Variants in RS1 observed in about 807,000 individuals in gnomAD.
RS1 encodes retinoschisin 1.
RS1 carries 2 observed loss-of-function variants against 20.8 expected under a neutral mutation model. The observed-to-expected ratio is 0.10, with a 90% CI of 0.04 to 0.30. The LOEUF is 0.30. RS1 is among the 10% of genes least tolerant of loss of function. RS1 has a pLI of 1.00. For missense variants in RS1, 151 were observed against 189.8 expected, an observed-to-expected ratio of 0.80 and a Z score of 1.20; for synonymous variants, 70 against 75.8, an observed-to-expected ratio of 0.92 and a Z score of 0.40.
At chrX:18,656,128 A>C (rs895316536) in intron 3 of RS1, among the ~76,000 whole-genome samples, 3 of 106,969 alleles carry the variant, frequency 2.8e-5, no homozygotes, top group Non-Finnish European at 3.8e-5. Flanking sequence ...AATAGCTGGG[A>C]CCACAGGTGC....
rs141077105 is a variant in RS1, at chrX:18,642,108, G to A, written c.571C>T (p.Arg191Trp). 32 of 1,209,722 alleles carry A rather than the reference G, an allele frequency of 2.6e-5. 1 individual carries two copies. The highest frequency in any genetic ancestry group is 1.8e-4 in the South Asian group (10 of 56,831). The change falls in exon 6 of 6, where the codon CGG becomes TGG. Residue 191 changes from arginine (R) to tryptophan (W), a missense_variant. Transcript: ENST00000379984. Reference protein sequence around the residue: ...DRTSTVQNLLRPPIISRFIRL... With the variant: ...DRTSTVQNLLWPPIISRFIRL... The stretch of plus-strand genomic sequence containing the variant: ...ATGAAGCGGGAGATGATGGGGGGCC[G>A]CAGCAGGTTCTGAACCGTGGAGGTG...
At chrX:18,658,124 C>T (rs1253572859) in intron 1 of RS1, among the ~76,000 whole-genome samples, 1 of 111,262 alleles carries the variant, frequency 9.0e-6, no homozygotes. Flanking sequence ...GAGCCAAGAT[C>T]GCTCCACTGC....
chrX:18,651,260 T>A (rs868799282), intron 3 of RS1, among the ~76,000 whole-genome samples: 1,076 of 81,443 alleles, frequency 0.013, 16 homozygotes, highest in African/African-American at 0.033. Flanking sequence ...TGTGTGTGTG[T>A]GTGTGAGAGA....
At chrX:18,668,029 G>A (rs773951960) in intron 1 of RS1, among the ~76,000 whole-genome samples, 8 of 112,070 alleles carry the variant, frequency 7.1e-5, no homozygotes, top group Non-Finnish European at 1.5e-4. Flanking sequence ...GGCAAAAACC[G>A]CAGTTACTCT....
At chrX:18,664,864 G>A (rs1220699288) in intron 1 of RS1, among the ~76,000 whole-genome samples, 3 of 110,690 alleles carry the variant, frequency 2.7e-5, no homozygotes, top group African/African-American at 6.6e-5. Context: ...ACAGGCCTGC[G>A]CTGCCACGCT....
Position 18,644,487 on chromosome X carries a change from G to A in RS1, c.465C>T (p.Tyr155=). 1.7e-6 allele frequency: 2 copies of A among 1,211,684 alleles called. No homozygotes were observed. Among genetic ancestry groups the A allele is most frequent in the Non-Finnish European group, 2.2e-6 (2 of 895,373 alleles). ...TCCAGTTCAGGCGCTCATCGGTCCT[G>A]TACTGCACGCTGTACTTGGTCATCC... ...DEWMTKYSVQ[Y]RTDERLNWIY... The change falls in exon 5 of 6, where the codon TAC becomes TAT. Residue 155 remains tyrosine, a synonymous_variant. Coordinates refer to ENST00000379984, the MANE Select transcript of RS1 (RefSeq NM_000330.4).
intron 1 of RS1, among the ~76,000 whole-genome samples, chrX:18,659,403 T>A (rs1734096438): frequency 9.1e-6 from 1 of 110,463 alleles, no homozygotes; most frequent in African/African-American, 3.3e-5. Flanking sequence ...GAAACCCGGG[T>A]TGCAGTGAGC....
chrX:18,649,780 T>A (rs780510842), intron 3 of RS1, among the ~76,000 whole-genome samples: 2 of 111,873 alleles, frequency 1.8e-5, no homozygotes, highest in South Asian at 7.4e-4. Flanking sequence ...GAGGACTGAG[T>A]GCCTGCGGAC....
In RS1 at chrX:18,643,658, C is replaced by G. The variant is rs547119198; in HGVS notation, c.522+772G>C. Reference sequence around the variant, plus strand: ...TGGAACAACCCATGAACGTCTTGGCCGTACAAATTGTCATCAGAGACTTAC... The same window carrying G: ...TGGAACAACCCATGAACGTCTTGGCGGTACAAATTGTCATCAGAGACTTAC... On this transcript the variant is annotated intron_variant, in intron 5 of 5. Transcript: ENST00000379984. Among the ~76,000 whole-genome samples the G allele has an allele frequency of 1.6e-4, 18 of 111,828 alleles. No individual in the cohort carries two copies. In the East Asian group the frequency reaches 4.8e-3, roughly 30 times the overall value.
At chrX:18,642,284 G>A (rs1211376696) in intron 5 of RS1, 128 bp from the exon 6 acceptor site, 3 of 705,505 alleles carry the variant, frequency 4.3e-6, no homozygotes, top group Non-Finnish European at 6.6e-6. Flanking sequence ...CAGTTTGCGG[G>A]TGCCCCCCAA....
chrX:18,639,933 T>A lies in RS1; in HGVS notation c.*2071A>T, dbSNP rs944920358. On this transcript the variant is annotated 3_prime_UTR_variant, in exon 6 of 6. Coordinates refer to ENST00000379984, the MANE Select transcript of RS1 (RefSeq NM_000330.4). ...AATACCACATACTATATGATTTCAT[T>A]TATGTAGAACGTCCAGAAGGCCAAT... 1.4e-4 allele frequency: 16 copies of A among 111,965 alleles called. No homozygotes were observed. Among genetic ancestry groups the A allele is most frequent in the Middle Eastern group, 4.6e-3 (1 of 218 alleles). The allele number at this position is 111,965 out of a possible 1,213,427, so 9.2% of individuals were successfully genotyped here. A position where few individuals can be genotyped will look rare whatever the true frequency, so the allele number is the denominator to read the frequency against.
intron 3 of RS1, among the ~76,000 whole-genome samples, chrX:18,654,854 C>T (rs971729510): frequency 4.5e-5 from 5 of 111,872 alleles, no homozygotes; most frequent in Non-Finnish European, 9.4e-5. Flanking sequence ...CCCTCCCACA[C>T]ACACATTGCA....
At chrX:18,665,372 T>C (rs970980485) in intron 1 of RS1, among the ~76,000 whole-genome samples, 1 of 111,717 alleles carries the variant, frequency 9.0e-6, no homozygotes, top group Non-Finnish European at 1.9e-5. Flanking sequence ...CTATGATGCA[T>C]ATAATAATAA....
intron 1 of RS1, among the ~76,000 whole-genome samples, chrX:18,660,752 T>C (rs1004854189): frequency 1.8e-5 from 2 of 112,328 alleles, no homozygotes; most frequent in Non-Finnish European, 3.8e-5. Flanking sequence ...ACTTTTTTTG[T>C]GTCCACTGTA....
At position 18,650,667 on chromosome X, in the gene RS1, CAG is replaced by C. The variant is rs892437453; in HGVS notation, c.185-3337_185-3336del. 8.4e-6 allele frequency: 9 copies of C among 1,069,632 alleles called. 1 individual carries two copies. Among genetic ancestry groups the C allele is most frequent in the Non-Finnish European group, 1.3e-6 (1 of 770,934 alleles). The allele number at this position is 1,069,632 out of a possible 1,213,427, so 88.1% of individuals were successfully genotyped here. ...AATTGCCCGAGGAGCTGTAGAAATG[CAG>C]ATGTTCAGGCCACACCCCCAGGGAT... is the stretch of plus-strand genomic sequence containing the variant. On this transcript the variant is annotated intron_variant, in intron 3 of 5. Coordinates refer to ENST00000379984, the MANE Select transcript of RS1 (RefSeq NM_000330.4).
intron 1 of RS1, among the ~76,000 whole-genome samples, chrX:18,663,491 G>T (rs1031975716): frequency 9.2e-6 from 1 of 108,523 alleles, no homozygotes; most frequent in African/African-American, 3.4e-5. Flanking sequence ...CTACAAGCCC[G>T]TGCCACCACA....
intron 1 of RS1, among the ~76,000 whole-genome samples, chrX:18,669,394 G>A (rs1928454246): frequency 9.5e-6 from 1 of 105,290 alleles, no homozygotes; most frequent in South Asian, 4.6e-4. Flanking sequence ...GGGAGCCTGA[G>A]GCAGGAGAAT....
At position 18,644,432 on chromosome X, in the gene RS1, G is replaced by A. The variant is rs1927693712; in HGVS notation, c.520C>T (p.Arg174Trp). Reference protein sequence around the residue: ...IYYKDQTGNNRVFYGNSDRTS... With the variant: ...IYYKDQTGNNWVFYGNSDRTS... ...GGTTTGGGATAAGCCCAACTTACCC[G>A]GTTGTTTCCAGTCTGGTCCTTGTAG... Residue 174 changes from arginine to tryptophan, a missense_variant and splice_region_variant, in exon 5 of 6, where the codon CGG (arginine) becomes TGG (tryptophan). Arg to Trp is a moderately radical substitution (Grantham distance 101). Transcript: ENST00000379984. 2.5e-6 allele frequency: 3 copies of A among 1,209,000 alleles called. No individual in the cohort carries two copies. The highest frequency in any genetic ancestry group is 2.2e-6 in the Non-Finnish European group (2 of 894,723).
At chrX:18,658,481 G>A (rs1310115638) in intron 1 of RS1, among the ~76,000 whole-genome samples, 1 of 109,629 alleles carries the variant, frequency 9.1e-6, no homozygotes, top group East Asian at 2.9e-4. Flanking sequence ...TTGAGATGGA[G>A]TTTCACTCTT....
Sources: allele counts gnomAD v4.1 joint callset (sites outside exome capture counted in the v4.1 genomes callset), GRCh38; gene constraint gnomAD v4.1.1; transcripts MANE v1.5; gene names NCBI Gene and HGNC (gene_info 2026-07-23, HGNC 2026-07-21).